Variants in DISP3 observed in about 807,000 individuals in gnomAD.
The protein encoded by DISP3 is protein dispatched homolog 3.
Under a neutral mutation model 135.3 loss-of-function variants are expected in DISP3, and 101 were observed. The observed-to-expected ratio is 0.75, with a 90% confidence interval of 0.64 to 0.88. The LOEUF is 0.88. Ranked by LOEUF, DISP3 falls within the 40% of genes least tolerant of loss-of-function variation. The pLI is 0.00. For missense variants in DISP3, 1,713 were observed against 1,878.6 expected, an observed-to-expected ratio of 0.91 and a Z score of 1.63; for synonymous variants, 856 against 817.0, an observed-to-expected ratio of 1.05 and a Z score of -0.81.
In DISP3 at chr1:11,529,671, G is replaced by A. The variant is rs765870921; in HGVS notation, c.2914G>A (p.Val972Met). The change falls in exon 14 of 21, where the codon GTG (valine) becomes ATG (methionine). Residue 972 changes from valine to methionine, a missense_variant. Val to Met is a conservative substitution (Grantham distance 21). Around this residue, in one of 2 missense-constraint regions of DISP3, gnomAD observed 1,142 missense variants for 1,384.6 expected, o/e 0.82. Coordinates refer to ENST00000294484, the MANE Select transcript of DISP3 (RefSeq NM_020780.2). This position sits in a 1 kb window ranked among gnomAD's most constrained non-coding sequence, Gnocchi z 4.7. ...TGGGCCTACCAAAGGCTTCTTCTTC[G>A]TGCCTAGTGAGAAAGGTACGGCAAG... ...PDGPTKGFFF[V>M]PSEKVPKARL... 14 of 1,606,270 alleles carry A rather than the reference G, an allele frequency of 8.7e-6. No individual in the cohort carries two copies. The highest frequency in any genetic ancestry group is 4.0e-5 in the African/African-American group (3 of 74,770).
chr1:11,485,668 T>C (rs57936399), intron 1 of DISP3, among the ~76,000 whole-genome samples: 3,776 of 152,314 alleles, frequency 0.025, 150 homozygotes, highest in African/African-American at 0.085. Context: ...GCAATCACCC[T>C]GATGATAATG....
chr1:11,533,253 CTTTT>C (rs70983563), intron 17 of DISP3, among the ~76,000 whole-genome samples: 8 of 103,982 alleles, frequency 7.7e-5, no homozygotes, highest in Admixed American at 2.8e-4. Context: ...GTGACTGTTT[CTTTT>C]TTTTTTTTTT....
At chr1:11,498,897 G>A (rs1221776060) in intron 1 of DISP3, among the ~76,000 whole-genome samples, 1 of 152,086 alleles carries the variant, frequency 6.6e-6, no homozygotes. Flanking sequence ...ATTGGGATTT[G>A]CACCCAAGTC....
intron 6 of DISP3, 78 bp from the exon 7 acceptor site, chr1:11,517,385 C>T: frequency 6.3e-7 from 1 of 1,577,686 alleles, no homozygotes. Context: ...CTGAGTGTCT[C>T]TGGCTGCAGG....
chr1:11,488,970 A>G (rs982826910), intron 1 of DISP3, among the ~76,000 whole-genome samples: 1 of 152,130 alleles, frequency 6.6e-6, no homozygotes, highest in Non-Finnish European at 1.5e-5. Context: ...CCGCGATGAG[A>G]GGATTGAGGA....
At position 11,519,344 on chromosome 1, in the gene DISP3, T is replaced by C. The variant is rs1226858527; in HGVS notation, c.1890-11T>C. The C allele has an allele frequency of 1.9e-6, 3 of 1,612,370 alleles. No homozygotes were observed. Among genetic ancestry groups the C allele is most frequent in the Non-Finnish European group, 2.5e-6 (3 of 1,179,200 alleles). On this transcript the variant is annotated splice_polypyrimidine_tract_variant and intron_variant, in intron 7 of 20. Transcript: ENST00000294484. This position sits in a 1 kb window ranked among gnomAD's most constrained non-coding sequence, Gnocchi z 4.3. ...CCTCTGGTTCACCCCTGTCCCCTAC[T>C]CTCTCCACAGCTGCCACCAGAATTG...
At chr1:11,503,887 A>G (rs1232614663) in intron 3 of DISP3, among the ~76,000 whole-genome samples, 1 of 152,104 alleles carries the variant, frequency 6.6e-6, no homozygotes, top group African/African-American at 2.4e-5. Flanking sequence ...AGTCACTAAG[A>G]GATGAGCTAA....
chr1:11,534,573 G>T lies in DISP3; in HGVS notation c.3535+33G>T, dbSNP rs748893345. On this transcript the variant is annotated intron_variant, in intron 18 of 20. Transcript: ENST00000294484. ...GCAGCCTCGCCCCTCCATCCTGGGT[G>T]GGCAGGAGGCAGAGGGACCTGGGGC... The T allele has an allele frequency of 2.3e-5, 36 of 1,576,726 alleles. No homozygotes were observed. In the Admixed American group the frequency reaches 4.7e-4, roughly 21 times the overall value.
rs781501498 is a variant in DISP3 at position 11,491,326 on chromosome 1, T to TG, written c.-3-9661dup. Among the ~76,000 whole-genome samples the TG allele has an allele frequency of 6.9e-4, 105 of 152,300 alleles. No individual in the cohort carries two copies. Among genetic ancestry groups the TG allele is most frequent in the Non-Finnish European group, 1.3e-3 (87 of 68,018 alleles). ...GGTGGTTTAAATACAGATTCCAGGT[T>TG]GGGCATGGTGGCTGACACCTACTGT... On this transcript the variant is annotated intron_variant, in intron 1 of 20. Coordinates refer to ENST00000294484, the MANE Select transcript of DISP3 (RefSeq NM_020780.2). The surrounding 1 kb of genome is among the most constrained non-coding windows in gnomAD (Gnocchi z 4.3).
At chr1:11,526,254 A>G (rs895961687) in intron 12 of DISP3, among the ~76,000 whole-genome samples, 1 of 152,144 alleles carries the variant, frequency 6.6e-6, no homozygotes, top group African/African-American at 2.4e-5. Flanking sequence ...GTTGGTCCCC[A>G]CAGAGCCCTG....
In DISP3 at chr1:11,501,753, C is replaced by A; in HGVS notation, c.761C>A (p.Ser254Ter). Residue 254 changes from serine (S) to a stop codon, truncating the protein, a stop_gained, in exon 2 of 21, where the codon TCG becomes TAG. Transcript: ENST00000294484. LOFTEE classifies it high-confidence loss of function. This position sits in a 1 kb window ranked among gnomAD's most constrained non-coding sequence, Gnocchi z 4.9. ...ANQSRARRGA[S>*]RWDYSRAYVS... ...CAGAGCCGTGCCCGCCGAGGCGCCT[C>A]GCGCTGGGACTACTCGCGCGCCTAT... 2.5e-6 allele frequency: 4 copies of A among 1,590,542 alleles called. No homozygotes were observed. The South Asian group carries it at 4.5e-5, about 18-fold the overall frequency.
chr1:11,498,925 G>A (rs1460946441), intron 1 of DISP3, among the ~76,000 whole-genome samples: 6 of 152,100 alleles, frequency 3.9e-5, no homozygotes, highest in African/African-American at 4.8e-5. Flanking sequence ...CTCCAAAGCC[G>A]TAGCTCTTAA....
At chr1:11,490,304 G>A (rs1269749673) in intron 1 of DISP3, among the ~76,000 whole-genome samples, 16 of 152,138 alleles carry the variant, frequency 1.1e-4, no homozygotes, top group African/African-American at 3.9e-4. Flanking sequence ...TTTCGCTCTT[G>A]TTGCCCAGGC....
chr1:11,533,571 T>G, intron 17 of DISP3: 1 of 558,456 alleles, frequency 1.8e-6, no homozygotes, highest in Non-Finnish European at 3.2e-6. Flanking sequence ...ACTGGCTCAT[T>G]TTACTCAGTG....
intron 1 of DISP3, chr1:11,481,185 G>C (rs1052203827): frequency 1.3e-5 from 2 of 152,138 alleles, no homozygotes; most frequent in Non-Finnish European, 2.9e-5. Context: ...CCCAGTCTTT[G>C]CTGGGATGTG....
chr1:11,502,111 G>C (rs2100413007), intron 2 of DISP3, 23 bp downstream of exon 2: 1 of 1,532,716 alleles, frequency 6.5e-7, no homozygotes. Context: ...GATGCTGGGA[G>C]GGGGCGTAGG....
Position 11,530,909 on chromosome 1 carries a change from T to C in DISP3, c.3105T>C (p.Gly1035=). The change falls in exon 16 of 21, where the codon GGT becomes GGC. Residue 1035 remains glycine (G), a splice_region_variant and synonymous_variant. Coordinates refer to ENST00000294484, the MANE Select transcript of DISP3 (RefSeq NM_020780.2). ...CGGCTTGTTTCTCCTTGGGAAAGGG[T>C]AGTGTTGTCTACGACAGCAGCTTTG... is the stretch of plus-strand genomic sequence containing the variant. ...QVDNHVIGDP[G]SVVYDSSFDL... 1.2e-6 allele frequency: 2 copies of C among 1,613,504 alleles called. No homozygotes were observed. The highest frequency in any genetic ancestry group is 1.7e-6 in the Non-Finnish European group (2 of 1,179,772).
rs764822876 is a variant in DISP3, at chr1:11,515,446, G to A, written c.1531G>A (p.Gly511Ser). ...CCTCTTCCTGTACCACGTGGTCTTT[G>A]GTATCCAGTACTTGGGCATCCTGAA... ...VALFLYHVVF[G>S]IQYLGILNGV... is the part of the protein sequence containing the mutation. Residue 511 changes from glycine to serine, a missense_variant, in exon 5 of 21, where the codon GGT becomes AGT. Transcript: ENST00000294484. 1 of 1,613,814 alleles carries A rather than the reference G, an allele frequency of 6.2e-7. No homozygotes were observed. Among genetic ancestry groups the A allele is most frequent in the Admixed American group, 1.7e-5 (1 of 59,982 alleles).
At position 11,483,209 on chromosome 1, in the gene DISP3, T is replaced by C. The variant is rs969937379; in HGVS notation, c.-4+3837T>C. 6.6e-6 allele frequency among the ~76,000 whole-genome samples: 1 copy of C among 152,156 alleles called. No homozygotes were observed. Among genetic ancestry groups the C allele is most frequent in the African/African-American group, 2.4e-5 (1 of 41,426 alleles). ...GCTGGAAGGTACACGGGCGGGAGGA[T>C]TGAGAGGAATATGTGTCTGTGTGTT... On this transcript the variant is annotated intron_variant, in intron 1 of 20. Transcript: ENST00000294484. The surrounding 1 kb of genome is among the most constrained non-coding windows in gnomAD (Gnocchi z 5.4).
Sources: allele counts gnomAD v4.1 joint callset (sites outside exome capture counted in the v4.1 genomes callset), GRCh38; gene constraint gnomAD v4.1.1; regional missense constraint gnomAD v4.1.1; non-coding constraint Gnocchi (gnomAD v3.1); transcripts MANE v1.5; gene names NCBI Gene and HGNC (gene_info 2026-07-23, HGNC 2026-07-21).